PPME1: variants seen among roughly 807,000 people sequenced by gnomAD.
PPME1 encodes testicular secretory protein Li 39.
In PPME1, 17 loss-of-function variants were observed where a neutral mutation model predicts 56.9. The ratio of observed to expected loss-of-function variants is 0.30; its 90% CI spans 0.20 to 0.45. The LOEUF (loss-of-function observed/expected upper bound fraction) is 0.45, where lower values mean the gene tolerates loss of function less well. PPME1 is among the 20% of genes least tolerant of loss of function. The pLI, the probability that PPME1 is intolerant of heterozygous loss-of-function variation, is 1.00. For missense variants in PPME1, 357 were observed against 483.2 expected, an observed-to-expected ratio of 0.74 and a Z score of 2.45; for synonymous variants, 122 against 156.2, an observed-to-expected ratio of 0.78 and a Z score of 1.63.
chr11:74,212,254 T>C (rs1858498013), intron 3 of PPME1, among the ~76,000 whole-genome samples: 1 of 152,130 alleles, frequency 6.6e-6, no homozygotes, highest in East Asian at 1.9e-4. Flanking sequence ...CCTGTCACAG[T>C]GGAAAGCAAC....
intron 1 of PPME1, among the ~76,000 whole-genome samples, chr11:74,197,533 C>T (rs542136772): frequency 6.6e-6 from 1 of 152,246 alleles, no homozygotes; most frequent in East Asian, 1.9e-4. Context: ...ATAATAACGC[C>T]TATAAAATTG....
Position 74,253,480 on chromosome 11 carries a change from G to T in PPME1, c.1143-12G>T, listed in dbSNP as rs576628052. ...TACATTTGTTTTTCCTTCTCTTTCT[G>T]TTCTTCCACAGTGTGTTTCCTGGCT... On this transcript the variant is annotated splice_polypyrimidine_tract_variant and intron_variant, in intron 13 of 13. Coordinates refer to ENST00000328257, the MANE Select transcript of PPME1 (RefSeq NM_016147.3). The T allele has an allele frequency of 6.2e-7, 1 of 1,604,908 alleles. No individual in the cohort carries two copies. The highest frequency in any genetic ancestry group is 8.5e-7 in the Non-Finnish European group (1 of 1,171,700).
intron 3 of PPME1, chr11:74,205,959 A>G (rs929622834): frequency 6.6e-6 from 1 of 152,200 alleles, no homozygotes; most frequent in African/African-American, 2.4e-5. Flanking sequence ...TGTATCCACA[A>G]TATCACTTCA....
At chr11:74,236,196 T>C (rs1361970580) in intron 8 of PPME1, among the ~76,000 whole-genome samples, 1 of 152,208 alleles carries the variant, frequency 6.6e-6, no homozygotes, top group Non-Finnish European at 1.5e-5. Context: ...CATTTAATAC[T>C]GGATTACCTT....
intron 12 of PPME1, chr11:74,251,339 C>A: frequency 7.4e-7 from 1 of 1,357,584 alleles, no homozygotes. Flanking sequence ...GCTCCCTAAA[C>A]CACAGGCACA....
chr11:74,253,358 C>G (rs1859753710), intron 13 of PPME1, 134 bp from the exon 14 acceptor site: 1 of 866,984 alleles, frequency 1.2e-6, no homozygotes, highest in Non-Finnish European at 1.9e-6. Context: ...CAGCTCTGGT[C>G]AGGGCTGTGA....
chr11:74,225,232 A>T lies in PPME1; in HGVS notation c.374A>T (p.Asp125Val). 1 of 1,570,510 alleles carries T rather than the reference A, an allele frequency of 6.4e-7. No homozygotes were observed. Among genetic ancestry groups the T allele is most frequent in the Non-Finnish European group, 8.7e-7 (1 of 1,155,664 alleles). The change falls in exon 5 of 14, where the codon GAT becomes GTT. Residue 125 changes from aspartate to valine, a missense_variant. Physicochemically the swap from Asp to Val is radical, Grantham distance 152. Transcript: ENST00000328257. ...HGETKVKNPE[D>V]LSAETMAKDV... ...GAAACAAAGGTCAAGAATCCTGAAG[A>T]TCTGTCTGCAGAAACAATGGCAAAG...
rs548859249 is a variant in PPME1, at chr11:74,185,379, T to C, written c.101+13857T>C. 1.6e-4 allele frequency among the ~76,000 whole-genome samples: 24 copies of C among 152,302 alleles called. No individual in the cohort carries two copies. The South Asian group carries it at 2.7e-3, about 17-fold the overall frequency. On this transcript the variant is annotated intron_variant, in intron 1 of 13. Coordinates refer to ENST00000328257, the MANE Select transcript of PPME1 (RefSeq NM_016147.3). ...ATCGTATGGCTGTTGGTCTGAAATA[T>C]ACTTCATTAGAGGCTTTTATATGAA...
chr11:74,212,591 T>A (rs543979551), intron 3 of PPME1, among the ~76,000 whole-genome samples: 311 of 152,088 alleles, frequency 2.0e-3, no homozygotes, highest in African/African-American at 6.8e-3. Context: ...TGGGAGAGAC[T>A]CCTTCTTTCT....
At chr11:74,181,791 G>T (rs1857546473) in intron 1 of PPME1, among the ~76,000 whole-genome samples, 1 of 152,242 alleles carries the variant, frequency 6.6e-6, no homozygotes, top group South Asian at 2.1e-4. Context: ...TTAAAAGCCA[G>T]ATAGTATTTT....
intron 1 of PPME1, among the ~76,000 whole-genome samples, chr11:74,184,002 A>T (rs1033952126): frequency 9.9e-5 from 15 of 152,210 alleles, no homozygotes; most frequent in Non-Finnish European, 1.6e-4. Flanking sequence ...AGTGAAATTT[A>T]AAAAATATGA....
chr11:74,227,994 T>G (rs904244850), intron 5 of PPME1, among the ~76,000 whole-genome samples: 1 of 152,154 alleles, frequency 6.6e-6, no homozygotes, highest in African/African-American at 2.4e-5. Flanking sequence ...TTAAGGTGAC[T>G]TGGACTTAGA....
At chr11:74,199,139 C>G (rs1858075771) in intron 1 of PPME1, among the ~76,000 whole-genome samples, 4 of 152,290 alleles carry the variant, frequency 2.6e-5, no homozygotes, top group Admixed American at 2.0e-4. Context: ...CTCTCCATCC[C>G]TATTTCTATC....
At chr11:74,250,903 A>C in intron 11 of PPME1, 51 bp from the exon 12 acceptor site, 9 of 1,479,590 alleles carry the variant, frequency 6.1e-6, no homozygotes, top group Non-Finnish European at 7.4e-6. Flanking sequence ...AGGCTGCATA[A>C]GAGAGGGCTC....
intron 3 of PPME1, among the ~76,000 whole-genome samples, chr11:74,220,210 A>G (rs1858760920): frequency 6.6e-6 from 1 of 152,214 alleles, no homozygotes; most frequent in African/African-American, 2.4e-5. Context: ...AACTGTGCTA[A>G]TATTTTCCCA....
intron 3 of PPME1, among the ~76,000 whole-genome samples, chr11:74,217,140 A>G (rs1399559293): frequency 2.0e-5 from 3 of 152,214 alleles, no homozygotes; most frequent in African/African-American, 7.2e-5. Context: ...CCCTAATACC[A>G]AAACCAGACA....
chr11:74,234,586 C>G (rs1390621824), intron 7 of PPME1, among the ~76,000 whole-genome samples: 2 of 151,924 alleles, frequency 1.3e-5, no homozygotes, highest in Non-Finnish European at 2.9e-5. Flanking sequence ...AAGATGAGGA[C>G]CAAGAAATGA....
At position 74,175,279 on chromosome 11, in the gene PPME1, G is replaced by T. The variant is rs879018614; in HGVS notation, c.101+3757G>T. Among the ~76,000 whole-genome samples the T allele has an allele frequency of 2.0e-5, 3 of 152,090 alleles. No individual in the cohort carries two copies. In the South Asian group the frequency reaches 6.2e-4, roughly 32 times the overall value. The stretch of plus-strand genomic sequence containing the variant: ...GCACTTTGGGAGGCCGAGGCGGGTG[G>T]ATCACCTGAGGTCGGGAGTTCAAGA... On this transcript the variant is annotated intron_variant, in intron 1 of 13. Coordinates refer to ENST00000328257, the MANE Select transcript of PPME1 (RefSeq NM_016147.3).
chr11:74,251,254 G>C (rs1339833409), intron 12 of PPME1: 1 of 1,381,572 alleles, frequency 7.2e-7, no homozygotes, highest in African/African-American at 1.5e-5. Flanking sequence ...GGGCCCTGTG[G>C]TTAAGATCTT....
Sources: gnomAD v4.1 joint callset for allele counts (sites outside exome capture counted in the v4.1 genomes callset) on GRCh38, gnomAD v4.1.1 for gene constraint, MANE v1.5 for transcripts, NCBI Gene and HGNC (gene_info 2026-07-23, HGNC 2026-07-21) for gene names.